Variants in PDE1C observed in about 807,000 individuals in gnomAD.
The protein encoded by PDE1C is dual specificity calcium/calmodulin-dependent 3',5'-cyclic nucleotide phosphodiesterase 1C.
PDE1C carries 62 observed loss-of-function variants against 93.1 expected under a neutral mutation model. That is an observed-to-expected ratio of 0.67 (90% CI 0.54 to 0.82). PDE1C has a LOEUF of 0.82. Among genes scored for constraint, PDE1C ranks in the 40% least tolerant of loss-of-function variants. The pLI, the probability that PDE1C is intolerant of heterozygous loss-of-function variation, is 0.00. For synonymous variants in PDE1C, 325 were observed against 310.1 expected, an observed-to-expected ratio of 1.05 and a Z score of -0.50; for missense variants, 742 against 884.6, an observed-to-expected ratio of 0.84 and a Z score of 2.04.
chr7:32,423,277 T>A (rs1785467127), intron 1 of PDE1C, among the ~76,000 whole-genome samples: 1 of 152,184 alleles, frequency 6.6e-6, no homozygotes, highest in South Asian at 2.1e-4. Flanking sequence ...CTCAGGAGGC[T>A]GAGGTAGGAG....
upstream of PDE1C, chr7:32,070,467 C>A: frequency 6.3e-7 from 1 of 1,579,232 alleles, no homozygotes; most frequent in Non-Finnish European, 8.6e-7. Flanking sequence ...CCTCGCCCAG[C>A]TCGCGATGCC....
At chr7:31,695,686 G>A in the PDE1C span, 161,813 of 1,480,710 alleles carry the variant, frequency 0.11, 11,113 homozygotes, top group East Asian at 0.36. Flanking sequence ...TGCATTGTTC[G>A]TACACATTTT....
chr7:32,055,788 T>C (rs1186853049), intron 1 of PDE1C, among the ~76,000 whole-genome samples: 2 of 152,176 alleles, frequency 1.3e-5, no homozygotes, highest in Non-Finnish European at 2.9e-5. Context: ...TGGCGCAATC[T>C]CGGCTCACTG....
At chr7:31,869,478 T>C (rs912125807) in intron 6 of PDE1C, among the ~76,000 whole-genome samples, 5 of 152,046 alleles carry the variant, frequency 3.3e-5, no homozygotes, top group Non-Finnish European at 4.4e-5. Context: ...GCTATACTTA[T>C]ATCAGATAAA....
Position 31,766,361 on chromosome 7 carries a change from G to A in PDE1C, c.1960+9303C>T, listed in dbSNP as rs552848769. Among the ~76,000 whole-genome samples the A allele has an allele frequency of 2.0e-5, 3 of 150,310 alleles. No individual in the cohort carries two copies. The East Asian group carries it at 5.8e-4, about 29-fold the overall frequency. On this transcript the variant is annotated intron_variant, in intron 17 of 17. Transcript: ENST00000396191. Reference sequence around the variant, plus strand: ...ATGGCGCCACTGCACTCCAGCCTGGGCGACAGAGCAAGACTGTGTCTCAAA... The same window carrying A: ...ATGGCGCCACTGCACTCCAGCCTGGACGACAGAGCAAGACTGTGTCTCAAA...
the PDE1C span, among the ~76,000 whole-genome samples, chr7:31,667,304 G>A: frequency 1.3e-5 from 2 of 152,130 alleles, no homozygotes; most frequent in Non-Finnish European, 2.9e-5. Flanking sequence ...AGAAAATTAG[G>A]AGGACTCCAC....
intron 3 of PDE1C, among the ~76,000 whole-genome samples, chr7:32,082,131 C>A (rs1013587227): frequency 6.6e-6 from 1 of 152,274 alleles, no homozygotes; most frequent in South Asian, 2.1e-4. Context: ...TGACAGACGG[C>A]ACCTGGAAAA....
chr7:31,775,083 A>G (rs946721515), intron 17 of PDE1C, among the ~76,000 whole-genome samples: 4 of 152,222 alleles, frequency 2.6e-5, no homozygotes, highest in Admixed American at 1.3e-4. Context: ...CTTGATCCTC[A>G]TGAATACTTA....
intron 1 of PDE1C, among the ~76,000 whole-genome samples, chr7:32,343,678 A>G (rs991385403): frequency 6.6e-6 from 1 of 152,354 alleles, no homozygotes; most frequent in East Asian, 1.9e-4. Context: ...TCATTGTAAC[A>G]TAGTTCCTCA....
intron 7 of PDE1C, among the ~76,000 whole-genome samples, chr7:31,855,754 A>T (rs1244390297): frequency 6.7e-6 from 1 of 148,168 alleles, no homozygotes; most frequent in East Asian, 1.9e-4. Context: ...AATAAATAAA[A>T]AATAAATAAA....
chr7:31,685,615 C>A, the PDE1C span, among the ~76,000 whole-genome samples: 1 of 152,156 alleles, frequency 6.6e-6, no homozygotes, highest in African/African-American at 2.4e-5. Flanking sequence ...GGGTTTAATG[C>A]CTAGGTGATG....
the PDE1C span, chr7:31,707,571 G>A: frequency 0.071 from 24,056 of 338,500 alleles, 1,036 homozygotes; most frequent in Non-Finnish European, 0.088. Flanking sequence ...ACTGGGGTTC[G>A]GTTTCTGCAT....
chr7:31,727,038 A>C, the PDE1C span, among the ~76,000 whole-genome samples: 1 of 152,162 alleles, frequency 6.6e-6, no homozygotes, highest in African/African-American at 2.4e-5. Context: ...CTCTGTCTCA[A>C]AAAAGAAAAA....
chr7:32,209,916 A>G (rs2128842159), intron 1 of PDE1C, among the ~76,000 whole-genome samples: 1 of 152,326 alleles, frequency 6.6e-6, no homozygotes, highest in Non-Finnish European at 1.5e-5. Flanking sequence ...GTCTGTCAAC[A>G]TGCAAATGCA....
chr7:32,123,885 G>A (rs766041330), intron 3 of PDE1C, among the ~76,000 whole-genome samples: 17 of 152,138 alleles, frequency 1.1e-4, no homozygotes, highest in Admixed American at 4.6e-4. Flanking sequence ...GGAATAAAGC[G>A]TATTCAAATA....
At chr7:32,103,596 G>A (rs1379164734) in intron 3 of PDE1C, among the ~76,000 whole-genome samples, 11 of 152,178 alleles carry the variant, frequency 7.2e-5, no homozygotes, top group Admixed American at 6.5e-4. Flanking sequence ...TGCCCTACAG[G>A]AAACAGGAAA....
At chr7:31,726,343 C>A in the PDE1C span, among the ~76,000 whole-genome samples, 156 of 152,214 alleles carry the variant, frequency 1.0e-3, no homozygotes, top group Non-Finnish European at 1.8e-3. Flanking sequence ...TAGGTGGGAG[C>A]CACTGCACCT....
intron 3 of PDE1C, among the ~76,000 whole-genome samples, chr7:32,123,834 CAGTAT>C (rs1799429297): frequency 6.6e-6 from 1 of 152,008 alleles, no homozygotes; most frequent in Non-Finnish European, 1.5e-5. Flanking sequence ...CTATTCAACG[CAGTAT>C]TGGAAGTTCT....
chr7:31,666,369 TTTAAA>T, the PDE1C span, among the ~76,000 whole-genome samples: 1 of 152,218 alleles, frequency 6.6e-6, no homozygotes, highest in Non-Finnish European at 1.5e-5. Context: ...CATACCGTCC[TTTAAA>T]TTAGATTTAT....
Sources: allele counts gnomAD v4.1 joint callset (sites outside exome capture counted in the v4.1 genomes callset), GRCh38; gene constraint gnomAD v4.1.1; transcripts MANE v1.5; gene names NCBI Gene and HGNC (gene_info 2026-07-23, HGNC 2026-07-21).